The following COMMD7 variants were observed in gnomAD, a reference collection of about 807,000 sequenced individuals.
The protein encoded by COMMD7 is COMM domain-containing protein 7.
Under a neutral mutation model 34.8 loss-of-function variants are expected in COMMD7, and 28 were observed. That is an observed-to-expected ratio of 0.80 (90% confidence interval 0.60 to 1.10). The LOEUF (loss-of-function observed/expected upper bound fraction) is 1.10. Ranked by LOEUF, COMMD7 falls within the 50% of genes least tolerant of loss-of-function variation. The pLI, the probability that COMMD7 is intolerant of heterozygous loss-of-function variation, is 0.00. For missense variants in COMMD7, 211 were observed against 241.6 expected (o/e 0.87, Z 0.84); for synonymous variants, 80 against 86.4 (o/e 0.93, Z 0.41).
chr20:32,737,932 T>C (rs939321164), intron 1 of COMMD7, among the ~76,000 whole-genome samples: 2 of 141,842 alleles, frequency 1.4e-5, no homozygotes, highest in South Asian at 2.3e-4. Flanking sequence ...TTACAGATCA[T>C]ACAATCCAGT....
intron 3 of COMMD7, among the ~76,000 whole-genome samples, chr20:32,716,740 G>T (rs906146175): frequency 7.2e-5 from 11 of 152,208 alleles, no homozygotes; most frequent in Non-Finnish European, 8.8e-5. Flanking sequence ...ACTAGCCCAA[G>T]CAACAAAGCA....
intron 1 of COMMD7, among the ~76,000 whole-genome samples, chr20:32,736,531 A>C (rs1986136670): frequency 6.6e-6 from 1 of 151,820 alleles, no homozygotes; most frequent in African/African-American, 2.4e-5. Flanking sequence ...TTAGCCAGGC[A>C]TGGTGGCACA....
Position 32,706,765 on chromosome 20 carries a change from G to A in COMMD7, c.242-5C>T, listed in dbSNP as rs747543636. 2.5e-6 allele frequency: 4 copies of A among 1,613,208 alleles called. No homozygotes were observed. Among genetic ancestry groups the A allele is most frequent in the South Asian group, 1.1e-5 (1 of 91,040 alleles). ...TGAGACTCTTCTTCAAAGCACCTGGGAGGCAGGGGAGAAATCAGTTAGAAA... is the reference window on the plus strand; with the variant it reads ...TGAGACTCTTCTTCAAAGCACCTGGAAGGCAGGGGAGAAATCAGTTAGAAA... On this transcript the variant is annotated splice_polypyrimidine_tract_variant and splice_region_variant and intron_variant, in intron 3 of 8. Coordinates refer to ENST00000278980, the MANE Select transcript of COMMD7 (RefSeq NM_053041.3).
At chr20:32,731,468 C>T (rs1601000404) in intron 1 of COMMD7, among the ~76,000 whole-genome samples, 1 of 152,124 alleles carries the variant, frequency 6.6e-6, no homozygotes, top group South Asian at 2.1e-4. Flanking sequence ...TGCAATCCAG[C>T]CTGAGCGACA....
intron 1 of COMMD7, among the ~76,000 whole-genome samples, chr20:32,741,158 C>A (rs78204536): frequency 0.26 from 39,100 of 148,746 alleles, 5,589 homozygotes; most frequent in Middle Eastern, 0.4. Flanking sequence ...AACAAACAAA[C>A]AAAAAAAAAC....
chr20:32,709,079 C>G (rs1027432183), intron 3 of COMMD7, among the ~76,000 whole-genome samples: 2 of 152,128 alleles, frequency 1.3e-5, no homozygotes, highest in African/African-American at 4.8e-5. Flanking sequence ...AACCAAGCTG[C>G]ACCCAAAAGC....
intron 3 of COMMD7, among the ~76,000 whole-genome samples, chr20:32,726,379 G>A (rs1271967498): frequency 6.6e-6 from 1 of 151,916 alleles, no homozygotes; most frequent in African/African-American, 2.4e-5. Flanking sequence ...CTAGGTGACA[G>A]AGCGAGACTC....
At chr20:32,709,545 G>A (rs551274630) in intron 3 of COMMD7, among the ~76,000 whole-genome samples, 6 of 152,264 alleles carry the variant, frequency 3.9e-5, no homozygotes, top group South Asian at 2.1e-4. Context: ...GCGAGACTCC[G>A]TCTCAAAAAC....
intron 3 of COMMD7, among the ~76,000 whole-genome samples, chr20:32,708,750 C>T (rs1489209625): frequency 7.5e-4 from 4 of 5,314 alleles, no homozygotes; most frequent in African/African-American, 3.4e-3. Flanking sequence ...CCTACCACAC[C>T]GGGGTGGGTG....
intron 1 of COMMD7, among the ~76,000 whole-genome samples, chr20:32,730,137 T>C (rs1015915597): frequency 7.0e-6 from 1 of 143,458 alleles, no homozygotes; most frequent in African/African-American, 2.4e-5. Flanking sequence ...ACACAGATCA[T>C]TACTTTATCA....
At chr20:32,704,668 T>G in intron 6 of COMMD7, 146 bp downstream of exon 6, 1 of 786,120 alleles carries the variant, frequency 1.3e-6, no homozygotes, top group Non-Finnish European at 2.1e-6. Flanking sequence ...AAACAGCTAC[T>G]GAATGTGGAC....
chr20:32,710,909 C>T (rs1006279714), intron 3 of COMMD7, among the ~76,000 whole-genome samples: 2 of 151,522 alleles, frequency 1.3e-5, no homozygotes, highest in African/African-American at 4.9e-5. Context: ...CAAAACCCTG[C>T]CTCTACAAAA....
At chr20:32,737,137 G>A (rs913865153) in intron 1 of COMMD7, among the ~76,000 whole-genome samples, 9 of 151,328 alleles carry the variant, frequency 5.9e-5, no homozygotes, top group African/African-American at 1.5e-4. Context: ...AGCCGAGATC[G>A]CGCCACTGCA....
At position 32,737,942 on chromosome 20, in the gene COMMD7, T is replaced by C. The variant is rs1204453623; in HGVS notation, c.84+5366A>G. 1.1e-4 allele frequency among the ~76,000 whole-genome samples: 13 copies of C among 114,710 alleles called. No individual in the cohort carries two copies. The South Asian group carries it at 1.3e-3, about 11-fold the overall frequency. The allele number at this position is 114,710 out of a possible 152,430, so 75.3% of individuals were successfully genotyped here. On this transcript the variant is annotated intron_variant, in intron 1 of 8. Transcript: ENST00000278980. ...TAATTTTACAGATCATACAATCCAG[T>C]ATCTTAAAAAAAAAAAAAAGAAAAA... is the stretch of plus-strand genomic sequence containing the variant.
intron 6 of COMMD7, 45 bp downstream of exon 6, chr20:32,704,769 A>G: frequency 6.9e-7 from 1 of 1,448,420 alleles, no homozygotes; most frequent in Non-Finnish European, 9.7e-7. Flanking sequence ...CTGCACCCCA[A>G]CCCTGTACCA....
intron 3 of COMMD7, among the ~76,000 whole-genome samples, chr20:32,710,382 T>C (rs1245993908): frequency 6.6e-6 from 1 of 152,116 alleles, no homozygotes; most frequent in Admixed American, 6.6e-5. Flanking sequence ...CAAAGTTTAT[T>C]GGTTGGCACT....
chr20:32,730,558 A>AAACAACAAC (rs34678832), intron 1 of COMMD7, among the ~76,000 whole-genome samples: 2 of 149,584 alleles, frequency 1.3e-5, no homozygotes, highest in Admixed American at 6.7e-5. Context: ...CCGTTTCAAA[A>AAACAACAAC]AACAACAACA....
intron 1 of COMMD7, 53 bp downstream of exon 1, chr20:32,743,255 C>CCG: frequency 7.8e-7 from 1 of 1,285,650 alleles, no homozygotes; most frequent in Non-Finnish European, 1.1e-6. Flanking sequence ...ACCCCAGGCC[C>CCG]GGATCCTGGA....
rs972429737 is a variant in COMMD7, at chr20:32,717,121, G to A, written c.242-10361C>T. 1.2e-4 allele frequency among the ~76,000 whole-genome samples: 18 copies of A among 149,712 alleles called. No individual in the cohort carries two copies. In the East Asian group the frequency reaches 1.4e-3, roughly 12 times the overall value. On this transcript the variant is annotated intron_variant, in intron 3 of 8. Transcript: ENST00000278980. The stretch of plus-strand genomic sequence containing the variant: ...GCTGGGATTACAGGTGTGAGCCACC[G>A]TGCCCAGCCCGGGTTAATAACTTTT...
Sources: gnomAD v4.1 joint callset for allele counts (sites outside exome capture counted in the v4.1 genomes callset) on GRCh38, gnomAD v4.1.1 for gene constraint, MANE v1.5 for transcripts, NCBI Gene and HGNC (gene_info 2026-07-23, HGNC 2026-07-21) for gene names.